SYN3: variants seen among roughly 807,000 people sequenced by gnomAD.
SYN3 encodes synapsin III, also known as synapsin-3.
A neutral mutation model predicts 65.8 loss-of-function variants in SYN3; 35 were observed. The ratio of observed to expected loss-of-function variants is 0.53; its 90% CI spans 0.41 to 0.70. The LOEUF is 0.70. Ranked by LOEUF, SYN3 falls within the 30% of genes least tolerant of loss-of-function variation. The probability of loss-of-function intolerance (pLI) is 0.00; values close to 1 mark genes in which losing one functional copy is unlikely to be tolerated. For synonymous variants in SYN3, 270 were observed against 292.9 expected (o/e 0.92, Z 0.80); for missense variants, 680 against 749.0 (o/e 0.91, Z 1.08).
intron 7 of SYN3, among the ~76,000 whole-genome samples, chr22:32,571,024 TTGTG>T (rs149461851): frequency 6.6e-6 from 1 of 151,646 alleles, no homozygotes; most frequent in Non-Finnish European, 1.5e-5. Flanking sequence ...CAAGAGGGAA[TTGTG>T]TGTGTGTGTG....
At chr22:32,851,449 A>G (rs2048215330) in intron 6 of SYN3, among the ~76,000 whole-genome samples, 1 of 152,078 alleles carries the variant, frequency 6.6e-6, no homozygotes, top group Non-Finnish European at 1.5e-5. Flanking sequence ...TTAGAGACCA[A>G]ACAACACTTG....
chr22:32,623,189 AG>A (rs2059619654), intron 6 of SYN3, among the ~76,000 whole-genome samples: 1 of 151,556 alleles, frequency 6.6e-6, no homozygotes, highest in South Asian at 2.1e-4. Context: ...TTTTTGTCAT[AG>A]TTTTTTTTTC....
intron 7 of SYN3, among the ~76,000 whole-genome samples, chr22:32,570,613 C>G (rs540056678): frequency 1.7e-4 from 26 of 151,970 alleles, no homozygotes; most frequent in Non-Finnish European, 3.2e-4. Context: ...GAAGTGTGCT[C>G]TGAGTATGCC....
chr22:32,673,193 G>A (rs1225966130), intron 6 of SYN3, among the ~76,000 whole-genome samples: 1 of 152,218 alleles, frequency 6.6e-6, no homozygotes, highest in Non-Finnish European at 1.5e-5. Context: ...TTTGGCAAAG[G>A]TGGTCATGCT....
intron 3 of SYN3, among the ~76,000 whole-genome samples, chr22:32,940,621 A>G (rs2050909543): frequency 6.6e-6 from 1 of 152,076 alleles, no homozygotes; most frequent in Non-Finnish European, 1.5e-5. Flanking sequence ...TGAAATGAGC[A>G]CTCTTTCTCA....
At chr22:33,045,714 G>A (rs1006882091) in intron 1 of SYN3, among the ~76,000 whole-genome samples, 12 of 151,602 alleles carry the variant, frequency 7.9e-5, no homozygotes, top group South Asian at 4.2e-4. Context: ...CGCACACCTC[G>A]GCCTCCCAAA....
At chr22:32,865,324 T>C (rs751870864) in intron 5 of SYN3, among the ~76,000 whole-genome samples, 10 of 152,224 alleles carry the variant, frequency 6.6e-5, no homozygotes, top group Non-Finnish European at 1.3e-4. Context: ...CTGATGTTCA[T>C]GCCCTGCTCC....
At chr22:32,842,569 A>G (rs948256582) in intron 6 of SYN3, among the ~76,000 whole-genome samples, 4 of 152,210 alleles carry the variant, frequency 2.6e-5, no homozygotes, top group South Asian at 2.1e-4. Context: ...TCTACAAGTC[A>G]TCACCATCAG....
chr22:32,812,370 A>G (rs1044445537), intron 6 of SYN3, among the ~76,000 whole-genome samples: 11 of 152,222 alleles, frequency 7.2e-5, no homozygotes, highest in African/African-American at 2.7e-4. Flanking sequence ...GAGATACTTT[A>G]TCAGATGACA....
chr22:32,938,927 CAAA>C (rs137558), intron 3 of SYN3, among the ~76,000 whole-genome samples: 2 of 125,056 alleles, frequency 1.6e-5, no homozygotes, highest in Non-Finnish European at 1.6e-5. Flanking sequence ...GGCTTTGTCT[CAAA>C]AAAAAAAAAA....
At chr22:32,644,881 C>G (rs577896535) in intron 6 of SYN3, among the ~76,000 whole-genome samples, 2 of 152,220 alleles carry the variant, frequency 1.3e-5, no homozygotes, top group Middle Eastern at 3.4e-3. Context: ...TGGGGGAGAA[C>G]CTGGTTCAGA....
intron 1 of SYN3, among the ~76,000 whole-genome samples, chr22:33,039,372 G>A (rs2053920127): frequency 1.4e-5 from 2 of 143,074 alleles, no homozygotes. Flanking sequence ...TTATTCAAAT[G>A]TGACTTTTTT....
At chr22:33,041,846 G>A (rs1404730853) in intron 1 of SYN3, among the ~76,000 whole-genome samples, 1 of 151,880 alleles carries the variant, frequency 6.6e-6, no homozygotes, top group African/African-American at 2.4e-5. Context: ...AGCCTCCCAG[G>A]TACTCCCTCT....
chr22:32,521,357 G>A lies in SYN3; in HGVS notation c.1319-3023C>T, dbSNP rs1035179656. On this transcript the variant is annotated intron_variant, in intron 12 of 13. Transcript: ENST00000358763. ...GTTAGTAACGCCAGGGACAGTTGCT[G>A]TATAGAAACACAGGCCCATTGTTTC... Among the ~76,000 whole-genome samples the A allele has an allele frequency of 2.6e-5, 4 of 151,564 alleles. No individual in the cohort carries two copies. In the South Asian group the frequency reaches 6.2e-4, roughly 24 times the overall value.
chr22:33,052,370 A>AGGGC (rs111825598), intron 1 of SYN3, among the ~76,000 whole-genome samples: 14,165 of 151,862 alleles, frequency 0.093, 2,001 homozygotes, highest in African/African-American at 0.31. Context: ...GAACTTTGAA[A>AGGGC]TCTCTTCTCT....
rs2057703757 is a variant in SYN3 at position 32,512,610 on chromosome 22, A to G, written c.*1082T>C. 1 of 152,234 alleles carries G rather than the reference A, an allele frequency of 6.6e-6. No individual in the cohort carries two copies. The highest frequency in any genetic ancestry group is 3.2e-3 in the Middle Eastern group (1 of 316). 9.4% of individuals were successfully genotyped at this position (152,234 alleles called of 1,614,324 possible). ...GGAATTCCGAAAGCCTTTGACATAT[A>G]TTATATACAATGCGTCTCCAAAAAA... On this transcript the variant is annotated 3_prime_UTR_variant, in exon 14 of 14. Coordinates refer to ENST00000358763, the MANE Select transcript of SYN3 (RefSeq NM_003490.4).
At position 32,514,251 on chromosome 22, in the gene SYN3, G is replaced by A. The variant is rs914684384; in HGVS notation, c.1611-427C>T. ...CAGGTTATAGTTATTTCCAGCACTC[G>A]TTTAGGTATCAGGAGGCCTGTATTC... On this transcript the variant is annotated intron_variant, in intron 13 of 13. Coordinates refer to ENST00000358763, the MANE Select transcript of SYN3 (RefSeq NM_003490.4). Among the ~76,000 whole-genome samples, 8 of 152,156 alleles carry A rather than the reference G, an allele frequency of 5.3e-5. No individual in the cohort carries two copies. The East Asian group carries it at 1.5e-3, about 29-fold the overall frequency.
At chr22:32,800,642 G>T (rs1337719047) in intron 6 of SYN3, among the ~76,000 whole-genome samples, 1 of 152,180 alleles carries the variant, frequency 6.6e-6, no homozygotes, top group African/African-American at 2.4e-5. Context: ...ATCCTGGATC[G>T]TTCTCCTGGT....
chr22:32,851,645 G>A (rs2048221504), intron 6 of SYN3, among the ~76,000 whole-genome samples: 1 of 152,136 alleles, frequency 6.6e-6, no homozygotes, highest in Non-Finnish European at 1.5e-5. Flanking sequence ...AAGGGGAAAT[G>A]ACTTACTCAG....
Sources: allele counts gnomAD v4.1 joint callset (sites outside exome capture counted in the v4.1 genomes callset), GRCh38; gene constraint gnomAD v4.1.1; transcripts MANE v1.5; gene names NCBI Gene and HGNC (gene_info 2026-07-23, HGNC 2026-07-21).